The following GALNTL5 variants were observed in gnomAD, a reference collection of about 807,000 sequenced individuals.
GALNTL5 encodes inactive polypeptide N-acetylgalactosaminyltransferase-like protein 5.
GALNTL5 carries 44 observed loss-of-function variants against 51.0 expected under a neutral mutation model. The observed-to-expected ratio is 0.86, with a 90% CI of 0.68 to 1.11. GALNTL5 has a LOEUF of 1.11. Ranked by LOEUF, GALNTL5 falls within the 50% of genes least tolerant of loss-of-function variation. The pLI is 0.00. For synonymous variants in GALNTL5, 192 were observed against 182.8 expected (o/e 1.05, Z -0.41); for missense variants, 528 against 531.8 (o/e 0.99, Z 0.07).
chr7:152,008,598 C>G (rs79186693), intron 7 of GALNTL5, among the ~76,000 whole-genome samples: 5 of 150,502 alleles, frequency 3.3e-5, no homozygotes, highest in Non-Finnish European at 7.4e-5. Flanking sequence ...TATTTGTTCA[C>G]TTTTAAAGTT....
intron 4 of GALNTL5, among the ~76,000 whole-genome samples, chr7:151,986,542 C>T (rs566097443): frequency 6.6e-6 from 1 of 152,034 alleles, no homozygotes; most frequent in East Asian, 1.9e-4. Flanking sequence ...CATTGAGGCA[C>T]GAGGATTGCT....
chr7:151,997,115 C>T (rs913220090), intron 5 of GALNTL5, among the ~76,000 whole-genome samples: 1 of 152,160 alleles, frequency 6.6e-6, no homozygotes, highest in Non-Finnish European at 1.5e-5. Flanking sequence ...AGATGGAGGA[C>T]GTAGCTCCCA....
chr7:151,957,212 G>C (rs1375184136), intron 1 of GALNTL5, among the ~76,000 whole-genome samples: 1 of 151,342 alleles, frequency 6.6e-6, no homozygotes, highest in African/African-American at 2.4e-5. Flanking sequence ...ATTATCTAAA[G>C]CATGGTCATG....
chr7:151,982,883 A>G (rs2081310176), intron 3 of GALNTL5, 103 bp from the exon 4 acceptor site: 3 of 1,601,078 alleles, frequency 1.9e-6, no homozygotes, highest in Non-Finnish European at 2.6e-6. Flanking sequence ...TTGAAGGAGT[A>G]AAGAGTCAAA....
chr7:152,007,981 G>C, intron 7 of GALNTL5, 37 bp downstream of exon 7: 1 of 1,125,350 alleles, frequency 8.9e-7, no homozygotes, highest in Non-Finnish European at 1.3e-6. Flanking sequence ...GCTATAGAGA[G>C]TGAAACCTAA....
At chr7:151,967,152 G>T in intron 1 of GALNTL5, 56 bp from the exon 2 acceptor site, 1 of 1,130,878 alleles carries the variant, frequency 8.8e-7, no homozygotes. Flanking sequence ...CCAAGTAGGT[G>T]ATCTACAAAC....
chr7:152,017,353 G>A (rs1416074637), intron 8 of GALNTL5, among the ~76,000 whole-genome samples: 1 of 152,148 alleles, frequency 6.6e-6, no homozygotes, highest in Non-Finnish European at 1.5e-5. Context: ...TACAGTAAAA[G>A]TATGGTATTA....
At chr7:151,991,241 C>T (rs978304327) in intron 5 of GALNTL5, among the ~76,000 whole-genome samples, 2 of 152,092 alleles carry the variant, frequency 1.3e-5, no homozygotes, top group East Asian at 1.9e-4. Context: ...TACAAGCACC[C>T]ACCACCACAC....
intron 1 of GALNTL5, among the ~76,000 whole-genome samples, chr7:151,958,666 T>C (rs1445958181): frequency 6.6e-6 from 1 of 152,082 alleles, no homozygotes; most frequent in East Asian, 1.9e-4. Flanking sequence ...TACCACCACT[T>C]CCCATGATGT....
At chr7:151,990,544 G>A (rs1234770756) in intron 5 of GALNTL5, among the ~76,000 whole-genome samples, 1 of 105,086 alleles carries the variant, frequency 9.5e-6, no homozygotes, top group Non-Finnish European at 1.8e-5. Flanking sequence ...TTGCGCCACT[G>A]CACTCCAGCC....
At chr7:151,989,200 A>C (rs901054778) in intron 5 of GALNTL5, among the ~76,000 whole-genome samples, 1 of 150,752 alleles carries the variant, frequency 6.6e-6, no homozygotes, top group Non-Finnish European at 1.5e-5. Context: ...CCCAGGATGG[A>C]GTGCAGTGGT....
intron 4 of GALNTL5, 37 bp downstream of exon 4, chr7:151,983,189 G>T (rs1424232540): frequency 7.8e-6 from 12 of 1,547,422 alleles, no homozygotes; most frequent in Non-Finnish European, 1.1e-5. Flanking sequence ...CTACTTTGTT[G>T]TTGTTGTTGT....
At chr7:151,971,784 G>A (rs2081147315) in intron 3 of GALNTL5, among the ~76,000 whole-genome samples, 1 of 152,148 alleles carries the variant, frequency 6.6e-6, no homozygotes, top group South Asian at 2.1e-4. Flanking sequence ...GAGTTCTCAT[G>A]AGACCTGATG....
chr7:151,970,174 T>G (rs2081116702), intron 2 of GALNTL5, among the ~76,000 whole-genome samples: 1 of 117,914 alleles, frequency 8.5e-6, no homozygotes. Context: ...AATAGACGCC[T>G]GGCCGCTGGG....
At chr7:152,018,270 C>G (rs2081844615) in intron 8 of GALNTL5, among the ~76,000 whole-genome samples, 1 of 152,180 alleles carries the variant, frequency 6.6e-6, no homozygotes, top group African/African-American at 2.4e-5. Flanking sequence ...GGGTAATATC[C>G]AAATGATCTT....
At chr7:152,012,489 AGCAGTTG>A (rs2081749491) in intron 7 of GALNTL5, among the ~76,000 whole-genome samples, 1 of 152,230 alleles carries the variant, frequency 6.6e-6, no homozygotes, top group African/African-American at 2.4e-5. Context: ...CATTGTGGAA[AGCAGTTG>A]GGAGATTTCT....
At chr7:152,001,147 A>G (rs1449512250) in intron 5 of GALNTL5, among the ~76,000 whole-genome samples, 1 of 151,392 alleles carries the variant, frequency 6.6e-6, no homozygotes, top group African/African-American at 2.4e-5. Flanking sequence ...TCCTGACCTC[A>G]GGTGATCCAC....
chr7:151,989,734 G>A (rs189394128), intron 5 of GALNTL5, among the ~76,000 whole-genome samples: 84 of 152,266 alleles, frequency 5.5e-4, no homozygotes, highest in African/African-American at 2.0e-3. Flanking sequence ...TGCAGCCAGA[G>A]ATGAATATGG....
chr7:152,005,262 C>T (rs972076005), intron 6 of GALNTL5, among the ~76,000 whole-genome samples: 2 of 152,140 alleles, frequency 1.3e-5, no homozygotes, highest in Non-Finnish European at 2.9e-5. Flanking sequence ...ATGCCTAGGG[C>T]TTAAGCCAAT....
Sources: gnomAD v4.1 joint callset for allele counts (sites outside exome capture counted in the v4.1 genomes callset) on GRCh38, gnomAD v4.1.1 for gene constraint, MANE v1.5 for transcripts, NCBI Gene and HGNC (gene_info 2026-07-23, HGNC 2026-07-21) for gene names.